RUNX1T1: variants seen among roughly 807,000 people sequenced by gnomAD.
The protein encoded by RUNX1T1 is RUNX1 partner transcriptional co-repressor 1.
A neutral mutation model predicts 62.8 loss-of-function variants in RUNX1T1; 4 were observed. The observed-to-expected ratio is 0.06, with a 90% confidence interval of 0.03 to 0.15. RUNX1T1 has a LOEUF of 0.15. Among genes scored for constraint, RUNX1T1 ranks in the 10% least tolerant of loss-of-function variants. The pLI, the probability that RUNX1T1 is intolerant of heterozygous loss-of-function variation, is 1.00. For missense variants in RUNX1T1, 508 were observed against 754.3 expected, an observed-to-expected ratio of 0.67 and a Z score of 3.82; for synonymous variants, 291 against 286.0, an observed-to-expected ratio of 1.02 and a Z score of -0.18.
intron 1 of RUNX1T1, among the ~76,000 whole-genome samples, chr8:92,084,597 C>A (rs1284273806): frequency 6.6e-6 from 1 of 152,272 alleles, no homozygotes; most frequent in Non-Finnish European, 1.5e-5. Context: ...TCCAGACTCC[C>A]ACTTTTGAAG....
intron 10 of RUNX1T1, among the ~76,000 whole-genome samples, chr8:91,964,138 T>G (rs1420527141): frequency 6.6e-6 from 1 of 152,168 alleles, no homozygotes; most frequent in African/African-American, 2.4e-5. Flanking sequence ...ACAGAATCAA[T>G]GGACTGAAGC....
At chr8:91,980,071 G>T (rs1286443966) in intron 8 of RUNX1T1, 3 of 228,966 alleles carry the variant, frequency 1.3e-5, no homozygotes, top group Non-Finnish European at 2.7e-5. Flanking sequence ...TTCACACTAG[G>T]TTTCAGAAGC....
intron 2 of RUNX1T1, among the ~76,000 whole-genome samples, chr8:92,070,274 T>A (rs1004069391): frequency 6.6e-6 from 1 of 152,206 alleles, no homozygotes; most frequent in Non-Finnish European, 1.5e-5. Context: ...AAGTTGGAGC[T>A]TGAAAGAAAC....
intron 1 of RUNX1T1, among the ~76,000 whole-genome samples, chr8:92,099,282 G>GT (rs1837933759): frequency 1.3e-5 from 2 of 152,242 alleles, no homozygotes; most frequent in Non-Finnish European, 2.9e-5. Flanking sequence ...TGTTAACTTA[G>GT]TTTTATGCAT....
At chr8:92,062,394 C>T (rs1336652436) in intron 1 of RUNX1T1, among the ~76,000 whole-genome samples, 3 of 152,180 alleles carry the variant, frequency 2.0e-5, no homozygotes, top group Non-Finnish European at 4.4e-5. Flanking sequence ...TCTCTTTATG[C>T]TACCTTCCAA....
intron 10 of RUNX1T1, 35 bp downstream of exon 11, chr8:91,970,623 A>G: frequency 6.5e-7 from 1 of 1,541,262 alleles, no homozygotes; most frequent in Non-Finnish European, 8.8e-7. Context: ...AATGAAAACT[A>G]TCTTGTTTAT....
downstream of RUNX1T1, chr8:91,955,471 T>A: frequency 1.3e-5 from 3 of 223,582 alleles, no homozygotes; most frequent in African/African-American, 2.2e-5. Flanking sequence ...TTCCACTATT[T>A]AAAAAAAAAT....
At chr8:92,022,658 C>A (rs1824343731) in intron 1 of RUNX1T1, among the ~76,000 whole-genome samples, 2 of 152,136 alleles carry the variant, frequency 1.3e-5, no homozygotes, top group African/African-American at 4.8e-5. Flanking sequence ...CCCAACCTGT[C>A]AGTACCTTGA....
intron 10 of RUNX1T1, 124 bp from the exon 12 acceptor site, chr8:91,960,641 TC>T: frequency 9.5e-7 from 1 of 1,055,426 alleles, no homozygotes; most frequent in Non-Finnish European, 1.4e-6. Context: ...GGATGAAAAA[TC>T]CAGGTGTTCA....
At chr8:91,987,066 G>T (rs764332276) in intron 6 of RUNX1T1, 94 bp from the exon 8 acceptor site, 25 of 807,242 alleles carry the variant, frequency 3.1e-5, no homozygotes, top group Non-Finnish European at 4.7e-5. Flanking sequence ...GGGCAAACTC[G>T]ATGTAAAAAT....
intron 4 of RUNX1T1, chr8:92,010,005 A>G (rs1232924507): frequency 6.6e-6 from 1 of 152,184 alleles, no homozygotes; most frequent in African/African-American, 2.4e-5. Flanking sequence ...ATTTCAGACA[A>G]ACCTTTCTAG....
chr8:92,079,128 T>C (rs1395822687), intron 1 of RUNX1T1, among the ~76,000 whole-genome samples: 1 of 152,224 alleles, frequency 6.6e-6, no homozygotes, highest in Non-Finnish European at 1.5e-5. Context: ...CTTTTTCCTT[T>C]AGTAAATGAT....
intron 1 of RUNX1T1, among the ~76,000 whole-genome samples, chr8:92,019,378 T>C (rs1823640269): frequency 6.6e-6 from 1 of 152,016 alleles, no homozygotes; most frequent in East Asian, 1.9e-4. Flanking sequence ...ATACACAGAT[T>C]TGAAGCACGT....
At chr8:92,067,018 G>A (rs4506267), upstream of RUNX1T1, among the ~76,000 whole-genome samples, 38,715 of 152,062 alleles carry the variant, frequency 0.25, 5,645 homozygotes, top group African/African-American at 0.4. Context: ...CAGCCAGCCC[G>A]CAGAACTCAC....
At chr8:92,023,263 C>T (rs1291820906) in intron 1 of RUNX1T1, among the ~76,000 whole-genome samples, 2 of 152,164 alleles carry the variant, frequency 1.3e-5, no homozygotes, top group South Asian at 4.1e-4. Flanking sequence ...ATGAATTAAG[C>T]ATATTAGGTT....
At chr8:91,983,301 C>T (rs997089499) in intron 8 of RUNX1T1, among the ~76,000 whole-genome samples, 4 of 152,046 alleles carry the variant, frequency 2.6e-5, no homozygotes, top group African/African-American at 9.7e-5. Flanking sequence ...TATACTCACT[C>T]AATACTACAG....
At chr8:92,037,842 A>C (rs899051425) in intron 1 of RUNX1T1, among the ~76,000 whole-genome samples, 10 of 152,248 alleles carry the variant, frequency 6.6e-5, no homozygotes, top group Admixed American at 5.2e-4. Context: ...TACTTATGGA[A>C]TGTCTATTTA....
chr8:91,997,257 G>A (rs552234659), intron 5 of RUNX1T1, among the ~76,000 whole-genome samples: 19 of 152,208 alleles, frequency 1.2e-4, no homozygotes, highest in Non-Finnish European at 1.8e-4. Flanking sequence ...TCAAGGAAAC[G>A]GGGAAGTATG....
intron 1 of RUNX1T1, among the ~76,000 whole-genome samples, chr8:92,054,778 G>A (rs965214905): frequency 2.0e-5 from 3 of 152,072 alleles, no homozygotes; most frequent in East Asian, 1.9e-4. Flanking sequence ...GGCGGATCAC[G>A]AGATCAGGAG....
Sources: allele counts gnomAD v4.1 joint callset (sites outside exome capture counted in the v4.1 genomes callset), GRCh38; gene constraint gnomAD v4.1.1; transcripts MANE v1.5; gene names NCBI Gene and HGNC (gene_info 2026-07-23, HGNC 2026-07-21).